Variants in HSD17B14 observed in about 807,000 individuals in gnomAD.
HSD17B14 encodes the protein hydroxysteroid 17-beta dehydrogenase 14.
HSD17B14 carries 32 observed loss-of-function variants against 32.2 expected under a neutral mutation model. The ratio of observed to expected loss-of-function variants is 0.99; its 90% confidence interval spans 0.75 to 1.33. HSD17B14 has a LOEUF of 1.33. HSD17B14 is among the 40% of genes most tolerant of loss of function. The pLI is 0.00. For synonymous variants in HSD17B14, 140 were observed against 155.4 expected, an observed-to-expected ratio of 0.90 and a Z score of 0.74; for missense variants, 370 against 366.5, an observed-to-expected ratio of 1.01 and a Z score of -0.08.
intron 4 of HSD17B14, among the ~76,000 whole-genome samples, chr19:48,832,388 G>A (rs1179927600): frequency 6.6e-6 from 1 of 151,676 alleles, no homozygotes; most frequent in Non-Finnish European, 1.5e-5. Flanking sequence ...GAAAAAAAAA[G>A]AAAAGAAAGA....
intron 6 of HSD17B14, among the ~76,000 whole-genome samples, chr19:48,814,453 C>T (rs55975925): frequency 0.14 from 21,445 of 151,462 alleles, 1,993 homozygotes; most frequent in Non-Finnish European, 0.21. Context: ...ACCCGGGAGG[C>T]GGAGGTTGCA....
At chr19:48,819,789 G>C (rs2035115271) in intron 5 of HSD17B14, among the ~76,000 whole-genome samples, 1 of 152,168 alleles carries the variant, frequency 6.6e-6, no homozygotes. Flanking sequence ...GGCTGCCCAG[G>C]ACTGTAAACT....
intron 5 of HSD17B14, among the ~76,000 whole-genome samples, chr19:48,822,497 A>AT (rs1454831711): frequency 6.7e-6 from 1 of 148,568 alleles, no homozygotes; most frequent in Non-Finnish European, 1.5e-5. Flanking sequence ...GATGGTGATG[A>AT]TTGTGGTAAT....
At chr19:48,815,991 A>G (rs2035043436) in intron 5 of HSD17B14, among the ~76,000 whole-genome samples, 1 of 145,522 alleles carries the variant, frequency 6.9e-6, no homozygotes, top group Admixed American at 7.1e-5. Context: ...ACTGCACTCG[A>G]GCCTGGGCAA....
chr19:48,822,237 G>T (rs1299798459), intron 5 of HSD17B14, among the ~76,000 whole-genome samples: 1 of 144,320 alleles, frequency 6.9e-6, no homozygotes, highest in Non-Finnish European at 1.5e-5. Flanking sequence ...TGATGGTGGT[G>T]ATGTTGGTGA....
chr19:48,815,005 G>A, intron 6 of HSD17B14, 32 bp downstream of exon 6: 1 of 1,529,654 alleles, frequency 6.5e-7, no homozygotes, highest in South Asian at 1.1e-5. Flanking sequence ...GGAAGGAGTA[G>A]GGAGGGAAGG....
chr19:48,831,620 C>T (rs2035336179), intron 5 of HSD17B14, 48 bp downstream of exon 5: 1 of 1,252,698 alleles, frequency 8.0e-7, no homozygotes, highest in African/African-American at 1.5e-5. Context: ...ACACAATCCA[C>T]CTATCAGGAG....
intron 5 of HSD17B14, among the ~76,000 whole-genome samples, chr19:48,828,766 T>C (rs902753012): frequency 6.6e-6 from 1 of 151,312 alleles, no homozygotes; most frequent in Non-Finnish European, 1.5e-5. Flanking sequence ...CCCACCTCTA[T>C]TAAAAAATAA....
rs202197135 is a variant in HSD17B14 at position 48,813,201 on chromosome 19, C to A, written c.787G>T (p.Val263Leu). The A allele has an allele frequency of 1.2e-6, 2 of 1,605,152 alleles. No homozygotes were observed. The highest frequency in any genetic ancestry group is 1.7e-5 in the Admixed American group (1 of 59,080). ...YGCKASRSTP[V>L]DAPDIPS ...CAGGAAGGGATATCGGGGGCGTCCACGGGGGTGCTCCGACTGGCCTTGCAC... is the reference window on the plus strand; with the variant it reads ...CAGGAAGGGATATCGGGGGCGTCCAAGGGGGTGCTCCGACTGGCCTTGCAC... The change falls in exon 9 of 9, where the codon GTG (valine) becomes TTG (leucine). Residue 263 changes from valine (V) to leucine (L), a missense_variant. By Grantham distance (32) the Val-to-Leu change is conservative. Transcript: ENST00000263278.
chr19:48,818,509 G>A (rs1476067332), intron 5 of HSD17B14, among the ~76,000 whole-genome samples: 1 of 147,944 alleles, frequency 6.8e-6, no homozygotes, highest in African/African-American at 2.5e-5. Context: ...CTCAGTCTGT[G>A]CACCTGCCCT....
chr19:48,836,144 G>C (rs781241277), intron 1 of HSD17B14, among the ~76,000 whole-genome samples, 180 bp downstream of exon 1: 8 of 152,124 alleles, frequency 5.3e-5, no homozygotes, highest in Non-Finnish European at 1.0e-4. Flanking sequence ...TGCCTTCGGA[G>C]ACCCTGCCAG....
Sources: gnomAD v4.1 joint callset for allele counts (sites outside exome capture counted in the v4.1 genomes callset) on GRCh38, gnomAD v4.1.1 for gene constraint, MANE v1.5 for transcripts, NCBI Gene and HGNC (gene_info 2026-07-23, HGNC 2026-07-21) for gene names.